The following DLG2 variants were observed in gnomAD, a reference collection of about 807,000 sequenced individuals.
DLG2 encodes the protein disks large homolog 2.
DLG2 carries 45 observed loss-of-function variants against 132.5 expected under a neutral mutation model. The observed-to-expected ratio is 0.34, with a 90% CI of 0.27 to 0.44. The LOEUF (loss-of-function observed/expected upper bound fraction) is 0.44. Ranked by LOEUF, DLG2 falls within the 20% of genes least tolerant of loss-of-function variation. The pLI is 1.00. For synonymous variants in DLG2, 424 were observed against 419.6 expected, an observed-to-expected ratio of 1.01 and a Z score of -0.13; for missense variants, 1,045 against 1,196.9, an observed-to-expected ratio of 0.87 and a Z score of 1.87.
chr11:85,079,370 TG>T (rs2066945053), intron 6 of DLG2, among the ~76,000 whole-genome samples: 1 of 151,988 alleles, frequency 6.6e-6, no homozygotes, highest in Admixed American at 6.6e-5. Flanking sequence ...GAGGATATAA[TG>T]GGGCATGTGG....
chr11:84,743,883 C>A (rs1218363437), intron 6 of DLG2, among the ~76,000 whole-genome samples: 1 of 152,062 alleles, frequency 6.6e-6, no homozygotes, highest in Non-Finnish European at 1.5e-5. Context: ...TGCCACTGCG[C>A]CTGGCTAATT....
At chr11:85,033,324 T>G (rs2061177488) in intron 6 of DLG2, among the ~76,000 whole-genome samples, 1 of 150,640 alleles carries the variant, frequency 6.6e-6, no homozygotes, top group Admixed American at 6.6e-5. Context: ...AGTCAGGGAC[T>G]TGTGCCCCAG....
intron 7 of DLG2, among the ~76,000 whole-genome samples, chr11:84,396,025 T>C (rs1297319528): frequency 6.6e-6 from 1 of 152,206 alleles, no homozygotes; most frequent in African/African-American, 2.4e-5. Context: ...CAATAAGAAG[T>C]CTAATAAAAG....
At chr11:83,689,471 A>C (rs2080459262) in intron 18 of DLG2, among the ~76,000 whole-genome samples, 1 of 152,178 alleles carries the variant, frequency 6.6e-6, no homozygotes, top group African/African-American at 2.4e-5. Context: ...AAAGTGGAAA[A>C]TGTCATGCTT....
chr11:84,337,708 T>C (rs980063190), intron 7 of DLG2, among the ~76,000 whole-genome samples: 31 of 152,198 alleles, frequency 2.0e-4, no homozygotes, highest in African/African-American at 7.0e-4. Flanking sequence ...ATTCCTTGTA[T>C]CTTCTTATCC....
chr11:85,350,833 C>A (rs896769063), intron 3 of DLG2, among the ~76,000 whole-genome samples: 12 of 151,800 alleles, frequency 7.9e-5, no homozygotes, highest in African/African-American at 2.9e-4. Context: ...AGTTTGAAGT[C>A]AGGTAGCGTG....
intron 7 of DLG2, among the ~76,000 whole-genome samples, chr11:84,413,810 G>GACAGATAT (rs566922533): frequency 1.5e-4 from 23 of 152,238 alleles, no homozygotes; most frequent in African/African-American, 5.5e-4. Flanking sequence ...CCTTCTCCCT[G>GACAGATAT]ACAGATATGG....
intron 17 of DLG2, among the ~76,000 whole-genome samples, chr11:83,799,562 GC>G (rs2043784312): frequency 6.6e-6 from 1 of 152,194 alleles, no homozygotes. Context: ...AAGATTCTAT[GC>G]AGCTATTCTC....
At chr11:84,386,989 C>T (rs1274029840) in intron 7 of DLG2, among the ~76,000 whole-genome samples, 3 of 152,026 alleles carry the variant, frequency 2.0e-5, no homozygotes, top group African/African-American at 7.2e-5. Context: ...CTTTTGTAAG[C>T]TTCCTTTAGA....
At chr11:85,201,185 G>C (rs961256515) in intron 4 of DLG2, among the ~76,000 whole-genome samples, 8 of 152,102 alleles carry the variant, frequency 5.3e-5, no homozygotes, top group African/African-American at 1.7e-4. Flanking sequence ...GATCCAAAGA[G>C]AGCCAGTCTC....
chr11:84,960,767 A>G (rs1273848544), intron 6 of DLG2, among the ~76,000 whole-genome samples: 1 of 152,156 alleles, frequency 6.6e-6, no homozygotes, highest in Non-Finnish European at 1.5e-5. Context: ...CACTCCGAGA[A>G]AAGAAGTTCT....
chr11:85,369,675 T>C (rs1021794249), intron 3 of DLG2, among the ~76,000 whole-genome samples: 2 of 152,172 alleles, frequency 1.3e-5, no homozygotes, highest in Non-Finnish European at 2.9e-5. Flanking sequence ...TGGTAAGTGC[T>C]TGGCAAGGCT....
chr11:85,353,005 A>G (rs975697461), intron 3 of DLG2, among the ~76,000 whole-genome samples: 2 of 152,216 alleles, frequency 1.3e-5, no homozygotes, highest in African/African-American at 4.8e-5. Flanking sequence ...ATTAAACTAA[A>G]GAGCTTCTGC....
chr11:83,874,277 G>C, intron 16 of DLG2, 143 bp downstream of exon 16: 1 of 93,902 alleles, frequency 1.1e-5, no homozygotes, highest in Non-Finnish European at 1.6e-5. Context: ...GGAAGGAAGG[G>C]GAGAAGGAAG....
At chr11:84,477,665 C>T (rs937376683) in intron 7 of DLG2, among the ~76,000 whole-genome samples, 2 of 152,142 alleles carry the variant, frequency 1.3e-5, no homozygotes, top group Non-Finnish European at 2.9e-5. Context: ...TTTTATTCCA[C>T]ATGAGAGCCT....
chr11:85,402,144 A>C (rs953041094), intron 3 of DLG2, among the ~76,000 whole-genome samples: 1 of 152,004 alleles, frequency 6.6e-6, no homozygotes, highest in African/African-American at 2.4e-5. Context: ...CAAAACAGAG[A>C]TATAGACCAA....
At chr11:85,421,153 G>T (rs1213767840) in intron 3 of DLG2, among the ~76,000 whole-genome samples, 1 of 152,110 alleles carries the variant, frequency 6.6e-6, no homozygotes, top group Non-Finnish European at 1.5e-5. Flanking sequence ...GAAAAGCATA[G>T]TATCGGAGCC....
chr11:85,246,749 T>C (rs1490953887), intron 4 of DLG2, among the ~76,000 whole-genome samples: 1 of 152,100 alleles, frequency 6.6e-6, no homozygotes, highest in Non-Finnish European at 1.5e-5. Flanking sequence ...AGTTGTATAA[T>C]TGTAGTCATA....
chr11:84,054,085 A>G (rs2096455384), intron 11 of DLG2, among the ~76,000 whole-genome samples: 1 of 152,086 alleles, frequency 6.6e-6, no homozygotes, highest in Non-Finnish European at 1.5e-5. Context: ...TTGGATATCA[A>G]TTAATAAAAC....
Sources: gnomAD v4.1 joint callset for allele counts (sites outside exome capture counted in the v4.1 genomes callset) on GRCh38, gnomAD v4.1.1 for gene constraint, MANE v1.5 for transcripts, NCBI Gene and HGNC (gene_info 2026-07-23, HGNC 2026-07-21) for gene names.